The following SYMPK variants were observed in gnomAD, a reference collection of about 807,000 sequenced individuals.
The protein encoded by SYMPK is symplekin.
Under a neutral mutation model 136.4 loss-of-function variants are expected in SYMPK, and 49 were observed. The ratio of observed to expected loss-of-function variants is 0.36; its 90% CI spans 0.29 to 0.46. SYMPK has a LOEUF of 0.46. SYMPK is among the 20% of genes least tolerant of loss of function. SYMPK has a pLI of 1.00. For synonymous variants in SYMPK, 766 were observed against 713.0 expected, an observed-to-expected ratio of 1.07 and a Z score of -1.19; for missense variants, 1,365 against 1,690.0, an observed-to-expected ratio of 0.81 and a Z score of 3.37.
chr19:45,848,006 C>T lies in SYMPK; in HGVS notation c.427-5G>A, dbSNP rs1971609613. The T allele has an allele frequency of 6.4e-7, 1 of 1,573,044 alleles. No homozygotes were observed. The highest frequency in any genetic ancestry group is 1.3e-5 in the African/African-American group (1 of 74,390). ...GACCCGTGACTTTACCATCCACTGC[C>T]AGCAGGCCAGGAAGGAATGGAAGAG... On this transcript the variant is annotated splice_polypyrimidine_tract_variant and splice_region_variant and intron_variant, in intron 6 of 26. Transcript: ENST00000245934.
intron 12 of SYMPK, 87 bp downstream of exon 12, chr19:45,831,297 A>ACACG: frequency 1.8e-6 from 2 of 1,097,632 alleles, no homozygotes; most frequent in Non-Finnish European, 2.5e-6. Flanking sequence ...ACACACACGC[A>ACACG]CACGCACACG....
intron 17 of SYMPK, among the ~76,000 whole-genome samples, chr19:45,825,916 C>T (rs994069421): frequency 6.6e-6 from 1 of 152,338 alleles, no homozygotes; most frequent in South Asian, 2.1e-4. Flanking sequence ...TCCATTTACT[C>T]GGGGTCTGAG....
chr19:45,858,505 C>A (rs906803548), intron 1 of SYMPK, among the ~76,000 whole-genome samples: 1 of 152,128 alleles, frequency 6.6e-6, no homozygotes, highest in Admixed American at 6.6e-5. Flanking sequence ...GTAAGGTCTT[C>A]CCTGACGACT....
chr19:45,838,162 C>T (rs1479554501), intron 10 of SYMPK, among the ~76,000 whole-genome samples: 1 of 151,880 alleles, frequency 6.6e-6, no homozygotes, highest in Non-Finnish European at 1.5e-5. Context: ...AAGTGTGTGG[C>T]ACCTCCCTGC....
intron 5 of SYMPK, among the ~76,000 whole-genome samples, chr19:45,851,183 G>C (rs1382875854): frequency 6.6e-6 from 1 of 152,230 alleles, no homozygotes; most frequent in African/African-American, 2.4e-5. Flanking sequence ...GTGCAAGAGT[G>C]GAAGCGGGAA....
intron 16 of SYMPK, 108 bp from the exon 17 acceptor site, chr19:45,826,481 A>C (rs1430776167): frequency 8.1e-7 from 1 of 1,233,730 alleles, no homozygotes; most frequent in Non-Finnish European, 1.2e-6. Flanking sequence ...GAGGCTGAGA[A>C]GGGGCAGCCC....
intron 20 of SYMPK, 86 bp from the exon 21 acceptor site, chr19:45,822,932 T>A: frequency 2.7e-6 from 3 of 1,109,892 alleles, no homozygotes; most frequent in Non-Finnish European, 4.0e-6. Flanking sequence ...CTGCTCGCCC[T>A]GGGGAGCTGA....
At chr19:45,828,117 C>A in intron 14 of SYMPK, 199 bp from the exon 15 acceptor site, 1 of 554,138 alleles carries the variant, frequency 1.8e-6, no homozygotes, top group South Asian at 2.1e-5. Context: ...GAGACTGCAC[C>A]TCTCTGAAAC....
intron 5 of SYMPK, among the ~76,000 whole-genome samples, chr19:45,851,180 A>C (rs1014208096): frequency 5.3e-5 from 8 of 152,322 alleles, no homozygotes; most frequent in Non-Finnish European, 1.5e-5. Flanking sequence ...TGAGTGCAAG[A>C]GTGGAAGCGG....
intron 7 of SYMPK, among the ~76,000 whole-genome samples, chr19:45,845,172 G>A (rs1468478880): frequency 2.6e-5 from 4 of 151,270 alleles, no homozygotes; most frequent in Non-Finnish European, 5.9e-5. Flanking sequence ...GAAAGCAGTG[G>A]CGTGATCTCG....
At chr19:45,823,324 T>G in intron 20 of SYMPK, 48 bp downstream of exon 20, 2 of 1,579,122 alleles carry the variant, frequency 1.3e-6, no homozygotes, top group Non-Finnish European at 1.7e-6. Context: ...CCCCTCCCAG[T>G]CCCACATGTC....
At chr19:45,817,836 G>A in intron 23 of SYMPK, 123 bp downstream of exon 23, 2 of 1,028,216 alleles carry the variant, frequency 1.9e-6, no homozygotes, top group Non-Finnish European at 2.8e-6. Flanking sequence ...CTTGGCAGGA[G>A]GCAGAGCAGA....
rs1568605965 is a variant in SYMPK, at chr19:45,817,417, C to CTCTTTTTTTTTTTT, written c.3082-444_3082-443insAAAAAAAAAAAAGA. Among the ~76,000 whole-genome samples the CTCTTTTTTTTTTTT allele has an allele frequency of 1.3e-3, 143 of 108,468 alleles. 1 individual carries two copies. The highest frequency in any genetic ancestry group is 6.0e-3 in the Middle Eastern group (1 of 168). The allele number at this position is 108,468 out of a possible 152,430, so 71.2% of individuals were successfully genotyped here. A position where few individuals can be genotyped will look rare whatever the true frequency, so the allele number is the denominator to read the frequency against. ...CTGCGGGGTTTGGTTTTTTTGTTCT[C>CTCTTTTTTTTTTTT]TTTTTTTTTTTTTTTTTTTTTTTTT... On this transcript the variant is annotated intron_variant, in intron 23 of 26. Transcript: ENST00000245934.
intron 8 of SYMPK, 52 bp downstream of exon 8, chr19:45,843,978 C>T: frequency 4.3e-6 from 3 of 704,326 alleles, no homozygotes; most frequent in Non-Finnish European, 6.2e-6. Context: ...AAAGAAAGAG[C>T]AGACTGGCCA....
At position 45,827,706 on chromosome 19, in the gene SYMPK, G is replaced by C. The variant is rs568989911; in HGVS notation, c.2068-83C>G. ...GTCTTTCCTGCCTGCCTCTGATCAG[G>C]TACCTGGACAAAAGGGCCCGGTCCC... On this transcript the variant is annotated intron_variant, in intron 15 of 26. Coordinates refer to ENST00000245934, the MANE Select transcript of SYMPK (RefSeq NM_004819.3). The C allele has an allele frequency of 9.7e-4, 1,457 of 1,503,350 alleles. 2 individuals carry two copies. The highest frequency in any genetic ancestry group is 1.1e-3 in the Non-Finnish European group (1,212 of 1,080,380). 93.1% of individuals were successfully genotyped at this position (1,503,350 alleles called of 1,614,324 possible). A position where few individuals can be genotyped will look rare whatever the true frequency, so the allele number is the denominator to read the frequency against.
chr19:45,827,748 C>T, intron 15 of SYMPK, 89 bp downstream of exon 15: 1 of 1,532,292 alleles, frequency 6.5e-7, no homozygotes. Flanking sequence ...AACCCCCGGC[C>T]ACAAGGTTTA....
At chr19:45,843,453 G>C (rs947118528) in intron 8 of SYMPK, among the ~76,000 whole-genome samples, 10 of 152,150 alleles carry the variant, frequency 6.6e-5, no homozygotes, top group South Asian at 2.1e-4. Flanking sequence ...CCCTTTTGGT[G>C]GGGGGAGAGG....
In SYMPK at chr19:45,816,595, AGG is replaced by A. The variant is rs751368545; in HGVS notation, c.3259-20_3259-19del. The A allele has an allele frequency of 3.7e-6, 6 of 1,613,012 alleles. No homozygotes were observed. Among genetic ancestry groups the A allele is most frequent in the African/African-American group, 2.7e-5 (2 of 74,882 alleles). ...TGAGCTTGCTGGGTGGAGAGCAGGA[AGG>A]GGGCGCTGGGGGCAGCTCTGGCACA... is the stretch of plus-strand genomic sequence containing the variant. On this transcript the variant is annotated intron_variant, in intron 24 of 26. Transcript: ENST00000245934.
intron 25 of SYMPK, 122 bp from the exon 26 acceptor site, chr19:45,816,305 G>T: frequency 1.8e-6 from 2 of 1,115,002 alleles, no homozygotes; most frequent in East Asian, 2.6e-5. Context: ...GGAGGAAGGG[G>T]CAGTTGTCCC....
Sources: allele counts gnomAD v4.1 joint callset (sites outside exome capture counted in the v4.1 genomes callset), GRCh38; gene constraint gnomAD v4.1.1; transcripts MANE v1.5; gene names NCBI Gene and HGNC (gene_info 2026-07-23, HGNC 2026-07-21).